The following STPG2 variants were observed in gnomAD, a reference collection of about 807,000 sequenced individuals.
STPG2 encodes the protein sperm-tail PG-rich repeat-containing protein 2.
A neutral mutation model predicts 54.2 loss-of-function variants in STPG2; 56 were observed. The ratio of observed to expected loss-of-function variants is 1.03; its 90% CI spans 0.83 to 1.29. The LOEUF is 1.29. STPG2 is among the 50% of genes most tolerant of loss of function. The pLI is 0.00. For synonymous variants in STPG2, 200 were observed against 181.8 expected (o/e 1.10, Z -0.81); for missense variants, 596 against 544.9 (o/e 1.09, Z -0.93).
At chr4:97,492,109 G>A (rs556552865) in intron 4 of STPG2, among the ~76,000 whole-genome samples, 23 of 151,522 alleles carry the variant, frequency 1.5e-4, no homozygotes, top group African/African-American at 5.6e-4. Flanking sequence ...CATCTCGTAA[G>A]AATGGTGCTG....
At chr4:97,896,977 G>A (rs1345302456) in intron 8 of STPG2, among the ~76,000 whole-genome samples, 1 of 151,834 alleles carries the variant, frequency 6.6e-6, no homozygotes, top group African/African-American at 2.4e-5. Context: ...TGTCATGAGG[G>A]TTTGTTGCAC....
chr4:97,907,545 A>C (rs1026326321), intron 8 of STPG2, among the ~76,000 whole-genome samples: 1 of 152,004 alleles, frequency 6.6e-6, no homozygotes, highest in Non-Finnish European at 1.5e-5. Context: ...ACCAAAAAAG[A>C]GCCTACATCG....
intron 10 of STPG2, among the ~76,000 whole-genome samples, chr4:97,589,066 A>C (rs1733070219): frequency 1.3e-5 from 2 of 152,102 alleles, no homozygotes; most frequent in South Asian, 4.1e-4. Context: ...GCCTACTCTT[A>C]AGTAAATACG....
intron 7 of STPG2, among the ~76,000 whole-genome samples, chr4:97,962,564 A>G (rs1733928731): frequency 6.6e-6 from 1 of 152,202 alleles, no homozygotes; most frequent in Non-Finnish European, 1.5e-5. Flanking sequence ...TTTGTCAAAT[A>G]TTCTATAAAC....
intron 10 of STPG2, among the ~76,000 whole-genome samples, chr4:97,633,228 G>A (rs1014461484): frequency 1.3e-5 from 2 of 152,030 alleles, no homozygotes; most frequent in Non-Finnish European, 2.9e-5. Context: ...ATGCTTCTAA[G>A]TGTCAAATAC....
chr4:97,658,626 A>G (rs2148959344), intron 10 of STPG2, among the ~76,000 whole-genome samples: 1 of 152,334 alleles, frequency 6.6e-6, no homozygotes, highest in South Asian at 2.1e-4. Context: ...TTTCCTGCAT[A>G]AAGAAAGAGG....
chr4:97,833,923 G>C (rs190788471), intron 9 of STPG2, among the ~76,000 whole-genome samples: 4 of 152,222 alleles, frequency 2.6e-5, no homozygotes, highest in Non-Finnish European at 2.9e-5. Flanking sequence ...GTGTAAATTA[G>C]TTCAACCACT....
At chr4:97,731,917 C>G (rs1429280748) in intron 9 of STPG2, among the ~76,000 whole-genome samples, 2 of 152,170 alleles carry the variant, frequency 1.3e-5, no homozygotes. Flanking sequence ...TCCTTTGGCC[C>G]CCATGGGGCC....
At chr4:98,061,354 CA>C (rs1349787737) in intron 5 of STPG2, among the ~76,000 whole-genome samples, 3 of 151,990 alleles carry the variant, frequency 2.0e-5, no homozygotes, top group Non-Finnish European at 4.4e-5. Flanking sequence ...TGGTGAAAGA[CA>C]AAAAGGAAGA....
At chr4:97,537,931 C>G (rs529321918) in intron 4 of STPG2, among the ~76,000 whole-genome samples, 105 of 152,302 alleles carry the variant, frequency 6.9e-4, no homozygotes, top group Admixed American at 1.4e-3. Context: ...CCCAGGCAAA[C>G]AGGGTCTGGA....
intron 1 of STPG2, among the ~76,000 whole-genome samples, chr4:98,141,875 C>A (rs981412890): frequency 7.0e-6 from 1 of 143,836 alleles, no homozygotes; most frequent in Non-Finnish European, 1.5e-5. Context: ...TGCCCTGATT[C>A]GGCATTTAAC....
intron 9 of STPG2, among the ~76,000 whole-genome samples, chr4:97,810,918 G>T (rs1476008889): frequency 6.6e-6 from 1 of 152,044 alleles, no homozygotes; most frequent in African/African-American, 2.4e-5. Context: ...ATTAGTAAAT[G>T]GTGGCATAAA....
intron 4 of STPG2, among the ~76,000 whole-genome samples, chr4:97,521,679 A>G (rs538456246): frequency 6.6e-6 from 1 of 152,088 alleles, no homozygotes; most frequent in Non-Finnish European, 1.5e-5. Context: ...ACACCTATGA[A>G]GTAATTTGTT....
chr4:97,957,143 TAC>T (rs1454488924), intron 7 of STPG2, among the ~76,000 whole-genome samples: 5 of 151,014 alleles, frequency 3.3e-5, no homozygotes, highest in African/African-American at 9.7e-5. Flanking sequence ...ATATGAAATA[TAC>T]ATGTGAAATA....
intron 9 of STPG2, among the ~76,000 whole-genome samples, chr4:97,823,171 T>G (rs1728138651): frequency 6.6e-6 from 1 of 152,212 alleles, no homozygotes; most frequent in South Asian, 2.1e-4. Context: ...CAAAAGATTT[T>G]CAATGTAGAC....
At chr4:98,035,696 C>G (rs1736753051) in intron 5 of STPG2, among the ~76,000 whole-genome samples, 1 of 152,170 alleles carries the variant, frequency 6.6e-6, no homozygotes, top group Non-Finnish European at 1.5e-5. Flanking sequence ...GGAACCAACC[C>G]AAATGCCCAT....
At chr4:97,830,657 T>A (rs1728425373) in intron 9 of STPG2, among the ~76,000 whole-genome samples, 1 of 151,882 alleles carries the variant, frequency 6.6e-6, no homozygotes, top group Admixed American at 6.6e-5. Context: ...ACACATAGGC[T>A]CAAAATAAAG....
intron 9 of STPG2, among the ~76,000 whole-genome samples, chr4:97,733,692 C>T (rs1275014544): frequency 6.6e-6 from 1 of 152,144 alleles, no homozygotes; most frequent in Non-Finnish European, 1.5e-5. Context: ...CCTTCACTCA[C>T]CCCTTCCCTA....
intron 9 of STPG2, among the ~76,000 whole-genome samples, chr4:97,754,635 T>C (rs1458133565): frequency 6.6e-6 from 1 of 152,136 alleles, no homozygotes; most frequent in Non-Finnish European, 1.5e-5. Context: ...TAGTCAATTA[T>C]ACTTATCTGT....
Sources: allele counts gnomAD v4.1 joint callset (sites outside exome capture counted in the v4.1 genomes callset), GRCh38; gene constraint gnomAD v4.1.1; transcripts MANE v1.5; gene names NCBI Gene and HGNC (gene_info 2026-07-23, HGNC 2026-07-21).